SLC8A1: variants seen among roughly 807,000 people sequenced by gnomAD.
The protein encoded by SLC8A1 is solute carrier family 8 member A1.
In SLC8A1, 18 loss-of-function variants were observed where a neutral mutation model predicts 68.3. That is an observed-to-expected ratio of 0.26 (90% CI 0.18 to 0.39). SLC8A1 has a LOEUF of 0.39. Ranked by LOEUF, SLC8A1 falls within the 10% of genes least tolerant of loss-of-function variation. The probability of loss-of-function intolerance (pLI) is 1.00; values close to 1 mark genes in which losing one functional copy is unlikely to be tolerated. For missense variants in SLC8A1, 985 were observed against 1,156.7 expected, an observed-to-expected ratio of 0.85 and a Z score of 2.15; for synonymous variants, 475 against 415.5, an observed-to-expected ratio of 1.14 and a Z score of -1.74.
intron 2 of SLC8A1, among the ~76,000 whole-genome samples, chr2:40,180,920 G>A (rs1423485290): frequency 6.6e-6 from 1 of 151,872 alleles, no homozygotes; most frequent in East Asian, 1.9e-4. Context: ...AATCCTTGGT[G>A]AATATCATAA....
chr2:40,233,124 T>G (rs1347812998), intron 2 of SLC8A1, among the ~76,000 whole-genome samples: 1 of 152,146 alleles, frequency 6.6e-6, no homozygotes, highest in Non-Finnish European at 1.5e-5. Flanking sequence ...AGTAATGGGA[T>G]GGCTGGGTCA....
chr2:40,411,929 G>T (rs1392804544), intron 2 of SLC8A1, among the ~76,000 whole-genome samples: 2 of 151,996 alleles, frequency 1.3e-5, no homozygotes, highest in African/African-American at 4.8e-5. Context: ...TGAATTTTTA[G>T]CATGTGTCAG....
intron 2 of SLC8A1, among the ~76,000 whole-genome samples, chr2:40,199,328 A>G (rs2053690173): frequency 6.6e-6 from 1 of 151,692 alleles, no homozygotes; most frequent in Non-Finnish European, 1.5e-5. Flanking sequence ...CAATGGATGA[A>G]GCTTGGCAGG....
At position 40,197,172 on chromosome 2, in the gene SLC8A1, C is replaced by A. The variant is rs771259238; in HGVS notation, c.1809-19317G>T. 5.3e-5 allele frequency among the ~76,000 whole-genome samples: 8 copies of A among 152,080 alleles called. No homozygotes were observed. In the South Asian group the frequency reaches 1.2e-3, roughly 24 times the overall value. On this transcript the variant is annotated intron_variant, in intron 2 of 7. Coordinates refer to ENST00000406785, the Ensembl canonical transcript of SLC8A1. ...ATGCCAAGCCATTTGCCCCAGTTCC[C>A]ATTTGGGGGCCAGATGAAATTATTT...
Position 40,194,051 on chromosome 2 carries a change from A to C in SLC8A1, c.1809-16196T>G, listed in dbSNP as rs143840400. On this transcript the variant is annotated intron_variant, in intron 2 of 7. Coordinates refer to ENST00000406785, the Ensembl canonical transcript of SLC8A1. ...TCTGCCAAGATCAATTTCTTGTAGC[A>C]CGATGGAGGTAGTAAAATACGAATT... Among the ~76,000 whole-genome samples the C allele has an allele frequency of 8.8e-4, 134 of 152,282 alleles. 1 individual carries two copies. The highest frequency in any genetic ancestry group is 3.1e-3 in the African/African-American group (128 of 41,578).
intron 2 of SLC8A1, among the ~76,000 whole-genome samples, chr2:40,407,537 T>C (rs1282962153): frequency 6.6e-6 from 1 of 152,218 alleles, no homozygotes; most frequent in African/African-American, 2.4e-5. Flanking sequence ...TTATGAATTT[T>C]TAATCCTCCA....
chr2:40,171,330 A>G (rs2047452034), intron 4 of SLC8A1, among the ~76,000 whole-genome samples: 1 of 152,346 alleles, frequency 6.6e-6, no homozygotes, highest in African/African-American at 2.4e-5. Flanking sequence ...GCTGAGCATA[A>G]TAGGATTAGA....
At chr2:40,282,631 TCCGTTTAGTA>T (rs1244127573) in intron 2 of SLC8A1, among the ~76,000 whole-genome samples, 2 of 152,312 alleles carry the variant, frequency 1.3e-5, no homozygotes, top group East Asian at 3.9e-4. Context: ...GCTCCTTTGC[TCCGTTTAGTA>T]CCGAAATAAA....
At chr2:40,136,797 A>G (rs554231720) in intron 7 of SLC8A1, among the ~76,000 whole-genome samples, 13 of 152,326 alleles carry the variant, frequency 8.5e-5, no homozygotes, top group African/African-American at 3.1e-4. Flanking sequence ...TGTGATGTTC[A>G]TCCAACAGCC....
intron 7 of SLC8A1, among the ~76,000 whole-genome samples, chr2:40,133,990 C>G (rs1358179578): frequency 6.6e-6 from 1 of 152,112 alleles, no homozygotes; most frequent in Non-Finnish European, 1.5e-5. Flanking sequence ...ACCTGTTTTT[C>G]CATAGAAATA....
chr2:40,430,409 G>A (rs957233097), intron 1 of SLC8A1, 105 bp from the exon 2 acceptor site: 2 of 1,237,560 alleles, frequency 1.6e-6, no homozygotes, highest in African/African-American at 1.5e-5. Context: ...ACCAAAATTT[G>A]TTTATATTTG....
intron 2 of SLC8A1, among the ~76,000 whole-genome samples, chr2:40,364,848 G>C (rs1246034663): frequency 1.3e-5 from 2 of 152,060 alleles, no homozygotes. Context: ...AAGTGAAAGT[G>C]CTGCAATTTT....
intron 2 of SLC8A1, among the ~76,000 whole-genome samples, chr2:40,221,048 C>A (rs2058259013): frequency 1.3e-5 from 2 of 151,688 alleles, no homozygotes; most frequent in Non-Finnish European, 2.9e-5. Flanking sequence ...CATCCTGATA[C>A]CAAAACCTGG....
At chr2:40,419,214 C>T (rs2149736315) in intron 2 of SLC8A1, among the ~76,000 whole-genome samples, 1 of 152,300 alleles carries the variant, frequency 6.6e-6, no homozygotes, top group East Asian at 1.9e-4. Flanking sequence ...TAGGGCCCAG[C>T]CCTTCTGGAT....
At chr2:40,381,588 C>T (rs1451966912) in intron 2 of SLC8A1, among the ~76,000 whole-genome samples, 1 of 151,980 alleles carries the variant, frequency 6.6e-6, no homozygotes, top group Non-Finnish European at 1.5e-5. Context: ...TTAGTCAAAA[C>T]TTCCTTCATG....
chr2:40,135,578 C>T (rs1282002146), intron 7 of SLC8A1, among the ~76,000 whole-genome samples: 1 of 152,058 alleles, frequency 6.6e-6, no homozygotes, highest in Non-Finnish European at 1.5e-5. Flanking sequence ...ATTAGCTAGG[C>T]ATGGTGGTAT....
In SLC8A1 at chr2:40,162,100, A is replaced by T. The variant is rs114957454; in HGVS notation, c.2062-1236T>A. 6.6e-3 allele frequency among the ~76,000 whole-genome samples: 998 copies of T among 152,326 alleles called. 3 individuals carry two copies. The highest frequency in any genetic ancestry group is 7.9e-3 in the Non-Finnish European group (540 of 68,024). ...CCCATCTCCAACTGGCTCACTCTGT[A>T]TTCATGACATTATTCTTGAAAGAAT... On this transcript the variant is annotated intron_variant, in intron 5 of 7. Coordinates refer to ENST00000406785, the Ensembl canonical transcript of SLC8A1.
intron 7 of SLC8A1, among the ~76,000 whole-genome samples, chr2:40,128,478 A>G (rs2038623450): frequency 6.6e-6 from 1 of 152,188 alleles, no homozygotes; most frequent in East Asian, 1.9e-4. Context: ...CACCTACAGT[A>G]TGACGTGCTG....
At chr2:40,469,611 A>G (rs180710927) in intron 1 of SLC8A1, among the ~76,000 whole-genome samples, 180 of 152,080 alleles carry the variant, frequency 1.2e-3, no homozygotes, top group African/African-American at 4.2e-3. Context: ...TTTTTTTGCA[A>G]TTTAATGTTT....
Sources: allele counts gnomAD v4.1 joint callset (sites outside exome capture counted in the v4.1 genomes callset), GRCh38; gene constraint gnomAD v4.1.1; transcripts MANE v1.5; gene names NCBI Gene and HGNC (gene_info 2026-07-23, HGNC 2026-07-21).